SLC12A7: variants seen among roughly 807,000 people sequenced by gnomAD.
SLC12A7 encodes K-Cl cotransporter 4.
A neutral mutation model predicts 120.6 loss-of-function variants in SLC12A7; 100 were observed. That is an observed-to-expected ratio of 0.83 (90% confidence interval 0.71 to 0.98). The LOEUF (loss-of-function observed/expected upper bound fraction) is 0.98, where lower values mean the gene tolerates loss of function less well. Among genes scored for constraint, SLC12A7 ranks in the 50% least tolerant of loss-of-function variants. The pLI is 0.00. For missense variants in SLC12A7, 1,373 were observed against 1,548.1 expected (o/e 0.89, Z 1.90); for synonymous variants, 760 against 678.0 (o/e 1.12, Z -1.88).
At chr5:1,150,390 A>G in the SLC12A7 span, among the ~76,000 whole-genome samples, 1 of 151,918 alleles carries the variant, frequency 6.6e-6, no homozygotes, top group African/African-American at 2.4e-5. Context: ...CCAGAGGAAC[A>G]GAGGAGGCAC....
rs571203952 is a variant in SLC12A7 at position 1,052,295 on chromosome 5, C to A, written c.*65G>T. 2.2e-6 allele frequency: 3 copies of A among 1,370,304 alleles called. No homozygotes were observed. The highest frequency in any genetic ancestry group is 2.1e-6 in the Non-Finnish European group (2 of 960,680). 84.9% of individuals were successfully genotyped at this position (1,370,304 alleles called of 1,614,324 possible). Reference sequence around the variant, plus strand: ...CTGCCGTCTGTTTCCCTGGGCCAAGCCCAGGCCCAGGCTGCCCACGCCGTC... The same window carrying A: ...CTGCCGTCTGTTTCCCTGGGCCAAGACCAGGCCCAGGCTGCCCACGCCGTC... On this transcript the variant is annotated 3_prime_UTR_variant, in exon 24 of 24. Coordinates refer to ENST00000264930, the MANE Select transcript of SLC12A7 (RefSeq NM_006598.3).
the SLC12A7 span, among the ~76,000 whole-genome samples, chr5:1,146,633 G>A: frequency 6.0e-4 from 92 of 152,224 alleles, 1 homozygote; most frequent in Middle Eastern, 0.02. The surrounding 1 kb of genome is among the most constrained non-coding windows in gnomAD (Gnocchi z 6.5). Context: ...AGGAAAAGCC[G>A]ACCAGCAGTA....
chr5:1,125,235 C>T, the SLC12A7 span, among the ~76,000 whole-genome samples: 1 of 151,244 alleles, frequency 6.6e-6, no homozygotes, highest in East Asian at 1.9e-4. Context: ...GAAGAGTGAG[C>T]CGTGATCGGA....
At chr5:1,108,875 C>G (rs1742770678) in intron 1 of SLC12A7, among the ~76,000 whole-genome samples, 1 of 152,156 alleles carries the variant, frequency 6.6e-6, no homozygotes, top group South Asian at 2.1e-4. Flanking sequence ...GACCACGCAA[C>G]CGGGCCTCTG....
At chr5:1,106,077 C>T (rs574836609) in intron 1 of SLC12A7, among the ~76,000 whole-genome samples, 1 of 152,368 alleles carries the variant, frequency 6.6e-6, no homozygotes, top group African/African-American at 2.4e-5. Flanking sequence ...ATCAAAAGCA[C>T]CCAGCCAGGA....
rs147157876 is a variant in SLC12A7, at chr5:1,064,137, G to C, written c.2553C>G (p.Ile851Met). Residue 851 changes from isoleucine (I) to methionine (M), a missense_variant, in exon 19 of 24, where the codon ATC becomes ATG. Coordinates refer to ENST00000264930, the MANE Select transcript of SLC12A7 (RefSeq NM_006598.3). ...GCATGAGCATGCCGCCGTCGTGCAC[G>C]ATCCACCACACGTCGATGTGGCCCC... ...FGGGHIDVWW[I>M]VHDGGMLMLL... The C allele has an allele frequency of 6.2e-7, 1 of 1,611,840 alleles. No homozygotes were observed. Among genetic ancestry groups the C allele is most frequent in the Non-Finnish European group, 8.5e-7 (1 of 1,179,450 alleles).
the SLC12A7 span, among the ~76,000 whole-genome samples, chr5:1,152,056 G>A: frequency 1.6e-4 from 25 of 152,114 alleles, no homozygotes; most frequent in Non-Finnish European, 2.9e-5. Context: ...TATCAATGCC[G>A]AGCTGGACCT....
At chr5:1,107,249 G>A (rs541677990) in intron 1 of SLC12A7, among the ~76,000 whole-genome samples, 4 of 152,320 alleles carry the variant, frequency 2.6e-5, no homozygotes, top group South Asian at 4.1e-4. Context: ...TGTGTTAGGC[G>A]TAGCCTTAAC....
Position 1,083,756 on chromosome 5 carries a change from C to A in SLC12A7, c.1118G>T (p.Gly373Val), listed in dbSNP as rs371755595. The change falls in exon 8 of 24, where the codon GGT becomes GTT. Residue 373 changes from glycine (G) to valine (V), a missense_variant. By Grantham distance (109) the Gly-to-Val change is moderately radical. Transcript: ENST00000264930. ...CCTGTGAGCCTCACCCAGGAAGACA[C>A]CACTGGCCGCGCCCGGGATGCCCTG... Reference protein sequence around the residue: ...EIQGIPGAASGVFLENLWSTY... With the variant: ...EIQGIPGAASVVFLENLWSTY... 6 of 1,612,350 alleles carry A rather than the reference C, an allele frequency of 3.7e-6. No homozygotes were observed. In the East Asian group the frequency reaches 8.9e-5, roughly 24 times the overall value.
At chr5:1,085,629 C>T (rs891334725) in intron 6 of SLC12A7, among the ~76,000 whole-genome samples, 156 bp from the exon 7 acceptor site, 2 of 148,166 alleles carry the variant, frequency 1.3e-5, no homozygotes, top group Non-Finnish European at 3.0e-5. Flanking sequence ...CGGGGGTCAG[C>T]GCACAGGCAA....
At chr5:1,058,653 T>C (rs560229881) in intron 21 of SLC12A7, among the ~76,000 whole-genome samples, 1 of 152,354 alleles carries the variant, frequency 6.6e-6, no homozygotes, top group African/African-American at 2.4e-5. Context: ...AGGGAAGAGA[T>C]TGGCACAGAT....
intron 12 of SLC12A7, among the ~76,000 whole-genome samples, chr5:1,077,207 T>C (rs1350322855): frequency 6.6e-6 from 1 of 152,194 alleles, no homozygotes; most frequent in Non-Finnish European, 1.5e-5. Flanking sequence ...GCCTGTCCCC[T>C]TCCTGGACAC....
chr5:1,067,956 C>A (rs534601519), intron 17 of SLC12A7, among the ~76,000 whole-genome samples: 1 of 152,328 alleles, frequency 6.6e-6, no homozygotes, highest in Admixed American at 6.5e-5. Context: ...GCAGAGGCCT[C>A]CGTGCAGACA....
the SLC12A7 span, among the ~76,000 whole-genome samples, chr5:1,128,919 G>A: frequency 6.6e-6 from 1 of 152,218 alleles, no homozygotes; most frequent in Non-Finnish European, 1.5e-5. Context: ...CCTCAGTCAC[G>A]CGGCTCCCTG....
At chr5:1,052,738 A>G (rs1735185211) in intron 23 of SLC12A7, among the ~76,000 whole-genome samples, 1 of 152,102 alleles carries the variant, frequency 6.6e-6, no homozygotes, top group Non-Finnish European at 1.5e-5. Context: ...CCGACAGGGA[A>G]CCCCAGCCAC....
the SLC12A7 span, among the ~76,000 whole-genome samples, chr5:1,122,369 C>T: frequency 1.3e-4 from 20 of 152,194 alleles, no homozygotes; most frequent in Non-Finnish European, 2.1e-4. Context: ...CCCGCCACTG[C>T]GCTTGGCACC....
chr5:1,084,561 G>A (rs958180072), intron 7 of SLC12A7, among the ~76,000 whole-genome samples: 6 of 152,352 alleles, frequency 3.9e-5, no homozygotes, highest in South Asian at 4.1e-4. Context: ...GGGCCGTAGC[G>A]TCAAGCATCG....
Position 1,052,107 on chromosome 5 carries a change from C to G in SLC12A7, c.*253G>C, listed in dbSNP as rs376291750. The stretch of plus-strand genomic sequence containing the variant: ...AAGATCTGGCCACGTCCAGGTCACT[C>G]CGGTAGCAGCGTCTGCCCTCAGATG... On this transcript the variant is annotated 3_prime_UTR_variant, in exon 24 of 24. Transcript: ENST00000264930. 1.6e-5 allele frequency: 9 copies of G among 560,750 alleles called. No homozygotes were observed. The highest frequency in any genetic ancestry group is 1.5e-4 in the East Asian group (5 of 33,464). The allele number at this position is 560,750 out of a possible 1,614,324, so 34.7% of individuals were successfully genotyped here. A position where few individuals can be genotyped will look rare whatever the true frequency, so the allele number is the denominator to read the frequency against.
intron 6 of SLC12A7, 100 bp from the exon 7 acceptor site, chr5:1,085,573 A>C: frequency 1.4e-6 from 2 of 1,444,738 alleles, no homozygotes; most frequent in Non-Finnish European, 1.8e-6. Context: ...CCTCCTCCCA[A>C]CAGGTGCCGG....
Sources: gnomAD v4.1 joint callset for allele counts (sites outside exome capture counted in the v4.1 genomes callset) on GRCh38, gnomAD v4.1.1 for gene constraint, Gnocchi (gnomAD v3.1) non-coding constraint, MANE v1.5 for transcripts, NCBI Gene and HGNC (gene_info 2026-07-23, HGNC 2026-07-21) for gene names.